The following CALD1 variants were observed in gnomAD, a reference collection of about 807,000 sequenced individuals.
CALD1 encodes the protein caldesmon 1.
A neutral mutation model predicts 99.9 loss-of-function variants in CALD1; 33 were observed. The observed-to-expected ratio is 0.33, with a 90% confidence interval of 0.25 to 0.44. The LOEUF is 0.44. Ranked by LOEUF, CALD1 falls within the 20% of genes least tolerant of loss-of-function variation. The probability of loss-of-function intolerance (pLI) is 1.00; values close to 1 mark genes in which losing one functional copy is unlikely to be tolerated. For synonymous variants in CALD1, 310 were observed against 325.0 expected (o/e 0.95, Z 0.50); for missense variants, 861 against 962.1 (o/e 0.89, Z 1.39).
chr7:134,716,317 T>G, the CALD1 span, among the ~76,000 whole-genome samples: 2 of 152,204 alleles, frequency 1.3e-5, no homozygotes, highest in Non-Finnish European at 2.9e-5. Flanking sequence ...TCTCACTGTC[T>G]CATAAGATAC....
chr7:134,933,082 GAA>G lies in CALD1; in HGVS notation c.315_316del (p.Arg106ThrfsTer34). ...AFLERLARRE[E>X]RRQKRLQEAL... The stretch of plus-strand genomic sequence containing the variant: ...CCTGGAGCGCCTGGCTCGGCGTGAG[GAA>G]AGACGCCAAAAACGCCTTCAGGAGG... On this transcript the variant is annotated frameshift_variant, in exon 5 of 15. Transcript: ENST00000361675. LOFTEE classifies it high-confidence loss of function. The G allele has an allele frequency of 6.2e-7, 1 of 1,613,988 alleles. No individual in the cohort carries two copies. Among genetic ancestry groups the G allele is most frequent in the Non-Finnish European group, 8.5e-7 (1 of 1,179,968 alleles).
intron 2 of CALD1, among the ~76,000 whole-genome samples, chr7:134,864,402 T>C (rs1384378805): frequency 1.9e-5 from 2 of 104,354 alleles, no homozygotes; most frequent in Admixed American, 2.0e-4. Flanking sequence ...CTTTTTTCTT[T>C]CCTTTTTTTT....
intron 3 of CALD1, among the ~76,000 whole-genome samples, chr7:134,903,445 A>G (rs1281073699): frequency 1.3e-5 from 2 of 152,134 alleles, no homozygotes; most frequent in African/African-American, 4.8e-5. Flanking sequence ...CCATGAATGT[A>G]AAACTCCTCT....
the CALD1 span, among the ~76,000 whole-genome samples, chr7:134,717,001 ACT>A: frequency 6.6e-6 from 1 of 152,152 alleles, no homozygotes; most frequent in East Asian, 1.9e-4. Context: ...CTTATCTTAG[ACT>A]CTGTCTATCT....
At chr7:134,779,431 C>G, upstream of CALD1, 1 of 372,752 alleles carries the variant, frequency 2.7e-6, no homozygotes, top group Non-Finnish European at 4.8e-6. Context: ...ATTTCCTGAG[C>G]ATGCCTAGGG....
At chr7:134,827,297 T>C (rs527387421) in intron 1 of CALD1, among the ~76,000 whole-genome samples, 64 of 152,268 alleles carry the variant, frequency 4.2e-4, no homozygotes, top group Non-Finnish European at 6.9e-4. Context: ...AGCCAATGGG[T>C]ATTCATTTGC....
chr7:134,910,091 G>A (rs777250585), intron 3 of CALD1, among the ~76,000 whole-genome samples: 21 of 152,240 alleles, frequency 1.4e-4, no homozygotes, highest in Middle Eastern at 3.4e-3. Context: ...ATAGTGTTCC[G>A]ATATATTTAA....
In CALD1 at chr7:134,947,748, C is replaced by G. The variant is rs758658636; in HGVS notation, c.1773C>G (p.Ala591=). The change falls in exon 8 of 15, where the codon GCC becomes GCG. Residue 591 remains alanine (A), a synonymous_variant. Transcript: ENST00000361675. ...AGCAGAGGAGGAAGCAGGAGGAAGC[C>G]GATCGAAAACTCAGAGAGGAGGTAA... is the stretch of plus-strand genomic sequence containing the variant. ...EEEQRRKQEE[A]DRKLREEEEK... is the part of the protein sequence containing the mutation. The G allele has an allele frequency of 2.7e-5, 43 of 1,613,710 alleles. No individual in the cohort carries two copies. The highest frequency in any genetic ancestry group is 3.6e-5 in the Non-Finnish European group (43 of 1,179,936).
intron 1 of CALD1, among the ~76,000 whole-genome samples, chr7:134,769,602 T>C (rs1319389813): frequency 7.3e-6 from 1 of 137,096 alleles, no homozygotes; most frequent in Non-Finnish European, 1.5e-5. Context: ...TCTCTCTCTG[T>C]GTCAGTTGAT....
intron 1 of CALD1, among the ~76,000 whole-genome samples, chr7:134,780,108 TCA>T (rs1211170569): frequency 2.0e-5 from 3 of 152,252 alleles, no homozygotes; most frequent in African/African-American, 4.8e-5. Flanking sequence ...ACCAGACTGC[TCA>T]CACAGTCTCT....
rs1173048163 is a variant in CALD1, at chr7:134,918,973, TG to T, written c.72-9778del. Among the ~76,000 whole-genome samples the T allele has an allele frequency of 1.6e-4, 24 of 152,158 alleles. 1 individual carries two copies. The highest frequency in any genetic ancestry group is 1.6e-3 in the Admixed American group (24 of 15,262). On this transcript the variant is annotated intron_variant, in intron 3 of 14. Transcript: ENST00000361675. ...CAAGATTGTATGAGTGCACACCAGC[TG>T]GGTTACAGAGGAGAACTTGTCTCAA...
At chr7:134,722,312 TTTCTTC>T in the CALD1 span, among the ~76,000 whole-genome samples, 14 of 152,294 alleles carry the variant, frequency 9.2e-5, no homozygotes, top group East Asian at 2.7e-3. Context: ...TCTTTTCTCT[TTTCTTC>T]TTCTTCTAAT....
rs1808845212 is a variant in CALD1 at position 134,968,587 on chromosome 7, T to C, written c.*242T>C. Reference sequence around the variant, plus strand: ...TTCTAAAGAAACCCATGCTGTGAAATAGAGACTTTTCTACTGATCATCATA... The same window carrying C: ...TTCTAAAGAAACCCATGCTGTGAAACAGAGACTTTTCTACTGATCATCATA... On this transcript the variant is annotated 3_prime_UTR_variant, in exon 15 of 15. Transcript: ENST00000361675. The C allele has an allele frequency of 1.5e-6, 1 of 689,440 alleles. No individual in the cohort carries two copies. Among genetic ancestry groups the C allele is most frequent in the Non-Finnish European group, 2.7e-6 (1 of 376,176 alleles). The allele number at this position is 689,440 out of a possible 1,614,324, so 42.7% of individuals were successfully genotyped here.
At position 134,969,861 on chromosome 7, in the gene CALD1, A is replaced by C. The variant is rs1384144889; in HGVS notation, c.*1516A>C. The C allele has an allele frequency of 1.3e-5, 2 of 152,678 alleles. No individual in the cohort carries two copies. Among genetic ancestry groups the C allele is most frequent in the African/African-American group, 4.8e-5 (2 of 41,466 alleles). 9.5% of individuals were successfully genotyped at this position (152,678 alleles called of 1,614,324 possible). On this transcript the variant is annotated 3_prime_UTR_variant, in exon 15 of 15. Transcript: ENST00000361675. ...AAAATGTTCTAGTATAGCTGGATAC[A>C]TACAGTGGAGTTCTATAAACTCATA...
the CALD1 span, among the ~76,000 whole-genome samples, chr7:134,725,864 C>T: frequency 1.3e-5 from 2 of 152,104 alleles, no homozygotes; most frequent in South Asian, 2.1e-4. Flanking sequence ...AAGACAGAGG[C>T]ACATTGGAGT....
chr7:134,890,437 G>A (rs370308143), intron 3 of CALD1, among the ~76,000 whole-genome samples: 5 of 152,162 alleles, frequency 3.3e-5, no homozygotes, highest in African/African-American at 4.8e-5. Context: ...CTTTCATTCC[G>A]TGAAAGCGCT....
chr7:134,767,399 A>G (rs998264253), intron 1 of CALD1, among the ~76,000 whole-genome samples: 1 of 152,200 alleles, frequency 6.6e-6, no homozygotes, highest in African/African-American at 2.4e-5. Flanking sequence ...CCCAAGAGAA[A>G]TCTCTAGCTT....
rs1251037159 is a variant in CALD1, at chr7:134,927,885, ATTAT to A, written c.72-865_72-862del. On this transcript the variant is annotated intron_variant, in intron 3 of 14. Coordinates refer to ENST00000361675, the MANE Select transcript of CALD1 (RefSeq NM_033138.4). ...CCTACTCCCAATTTTAATAATATTT[ATTAT>A]TTAATATAATATTTAATTTTAATAA... Among the ~76,000 whole-genome samples the A allele has an allele frequency of 8.8e-5, 13 of 148,352 alleles. No individual in the cohort carries two copies. The East Asian group carries it at 2.5e-3, about 29-fold the overall frequency.
chr7:134,947,442 C>T, intron 7 of CALD1, 66 bp from the exon 8 acceptor site: 1 of 1,481,824 alleles, frequency 6.7e-7, no homozygotes. Flanking sequence ...AGACCGACCT[C>T]CCCTTCCTCC....
Sources: allele counts gnomAD v4.1 joint callset (sites outside exome capture counted in the v4.1 genomes callset), GRCh38; gene constraint gnomAD v4.1.1; transcripts MANE v1.5; gene names NCBI Gene and HGNC (gene_info 2026-07-23, HGNC 2026-07-21).